Variants in PHACTR1 observed in about 807,000 individuals in gnomAD.
PHACTR1 encodes the protein RPEL repeat containing 1.
A neutral mutation model predicts 69.2 loss-of-function variants in PHACTR1; 16 were observed. That is an observed-to-expected ratio of 0.23 (90% confidence interval 0.16 to 0.35). PHACTR1 has a LOEUF of 0.35. PHACTR1 is among the 10% of genes least tolerant of loss of function. The pLI is 1.00. For missense variants in PHACTR1, 510 were observed against 734.7 expected, an observed-to-expected ratio of 0.69 and a Z score of 3.54; for synonymous variants, 312 against 284.5, an observed-to-expected ratio of 1.10 and a Z score of -0.97.
intron 7 of PHACTR1, among the ~76,000 whole-genome samples, chr6:13,205,105 T>C (rs969386005): frequency 1.3e-5 from 2 of 152,170 alleles, no homozygotes; most frequent in African/African-American, 4.8e-5. Context: ...ACATGGTGCT[T>C]CTGGTGAGGG....
At chr6:12,966,312 C>T (rs13209758) in intron 4 of PHACTR1, among the ~76,000 whole-genome samples, 6 of 152,106 alleles carry the variant, frequency 3.9e-5, no homozygotes, top group Admixed American at 3.9e-4. Flanking sequence ...TCCTCACGAC[C>T]CTATAAGAGA....
At chr6:12,825,108 C>T (rs903307084) in intron 4 of PHACTR1, among the ~76,000 whole-genome samples, 10 of 152,210 alleles carry the variant, frequency 6.6e-5, no homozygotes, top group Non-Finnish European at 1.3e-4. Flanking sequence ...GCAAGACTCC[C>T]ATCTCCACAC....
intron 12 of PHACTR1, among the ~76,000 whole-genome samples, chr6:13,279,119 C>T (rs1439858834): frequency 6.7e-6 from 1 of 150,048 alleles, no homozygotes. Context: ...TACGAAAGTA[C>T]TGACAAATTT....
At chr6:13,010,704 G>A (rs1232065115) in intron 4 of PHACTR1, among the ~76,000 whole-genome samples, 1 of 152,146 alleles carries the variant, frequency 6.6e-6, no homozygotes, top group Non-Finnish European at 1.5e-5. Context: ...AGTTTCAGAA[G>A]GGGATCTGCA....
chr6:12,863,527 GT>G (rs1227549567), intron 4 of PHACTR1, among the ~76,000 whole-genome samples: 1 of 152,228 alleles, frequency 6.6e-6, no homozygotes, highest in Non-Finnish European at 1.5e-5. Flanking sequence ...GATGACTATT[GT>G]TTTTATTAAG....
intron 8 of PHACTR1, among the ~76,000 whole-genome samples, chr6:13,207,055 A>ACACACATGCATG (rs1347715728): frequency 1.3e-5 from 2 of 152,226 alleles, no homozygotes; most frequent in Non-Finnish European, 2.9e-5. Context: ...ATGTACACAC[A>ACACACATGCATG]CACACATGCA....
At chr6:13,157,635 G>A (rs115197066) in intron 5 of PHACTR1, among the ~76,000 whole-genome samples, 184 of 152,288 alleles carry the variant, frequency 1.2e-3, no homozygotes, top group African/African-American at 4.1e-3. Flanking sequence ...TTCCTTTAGC[G>A]CTGTAGACCA....
chr6:13,207,023 G>A (rs939631715), intron 8 of PHACTR1, among the ~76,000 whole-genome samples: 6 of 151,938 alleles, frequency 3.9e-5, no homozygotes, highest in South Asian at 2.1e-4. Flanking sequence ...CTTTGCATAC[G>A]TGTGAGTGTA....
rs1424136602 is a variant in PHACTR1, at chr6:13,191,456, C to G, written c.664+8770C>G. Among the ~76,000 whole-genome samples, 8 of 152,236 alleles carry G rather than the reference C, an allele frequency of 5.3e-5. No homozygotes were observed. The South Asian group carries it at 1.5e-3, about 28-fold the overall frequency. ...AAGCAAGGAGAGGGGAAAGCCGAGGCCAGAGTGTTTATTGGGGTTTCTGCA... is the reference window on the plus strand; with the variant it reads ...AAGCAAGGAGAGGGGAAAGCCGAGGGCAGAGTGTTTATTGGGGTTTCTGCA... On this transcript the variant is annotated intron_variant, in intron 7 of 14. Transcript: ENST00000332995.
At chr6:13,082,115 C>G (rs1811486827) in intron 5 of PHACTR1, among the ~76,000 whole-genome samples, 1 of 152,062 alleles carries the variant, frequency 6.6e-6, no homozygotes, top group South Asian at 2.1e-4. Flanking sequence ...TCACTGATGG[C>G]CCCCCTCTCT....
chr6:12,786,417 A>T (rs1254699393), intron 4 of PHACTR1, among the ~76,000 whole-genome samples: 3 of 152,268 alleles, frequency 2.0e-5, no homozygotes, highest in Non-Finnish European at 2.9e-5. Flanking sequence ...AAATATGCAG[A>T]TTAATACAGT....
chr6:13,078,721 G>T (rs1810919178), intron 5 of PHACTR1, among the ~76,000 whole-genome samples: 1 of 152,186 alleles, frequency 6.6e-6, no homozygotes, highest in African/African-American at 2.4e-5. Context: ...TGGTTTCCCA[G>T]CTCAAGAGTT....
At chr6:13,233,854 T>C (rs1387919494) in intron 10 of PHACTR1, among the ~76,000 whole-genome samples, 2 of 152,218 alleles carry the variant, frequency 1.3e-5, no homozygotes, top group Non-Finnish European at 2.9e-5. Context: ...ATCCTTCCTC[T>C]GAATCCACTT....
intron 4 of PHACTR1, among the ~76,000 whole-genome samples, chr6:12,936,047 TA>T (rs71659897): frequency 0.19 from 26,602 of 143,590 alleles, 6,043 homozygotes; most frequent in African/African-American, 0.55. Flanking sequence ...TGAGTGTCAT[TA>T]AAAAAAAAAA....
chr6:12,861,930 G>T (rs923898233), intron 4 of PHACTR1, among the ~76,000 whole-genome samples: 1 of 152,132 alleles, frequency 6.6e-6, no homozygotes, highest in Non-Finnish European at 1.5e-5. Flanking sequence ...ATATATATTA[G>T]TATATGTAAA....
intron 4 of PHACTR1, among the ~76,000 whole-genome samples, chr6:12,783,120 G>C (rs1452222451): frequency 6.6e-6 from 1 of 152,214 alleles, no homozygotes; most frequent in Non-Finnish European, 1.5e-5. Context: ...GCTGTCAACA[G>C]CCTGTTGCTT....
At chr6:12,749,599 C>T in intron 3 of PHACTR1, 45 bp from the exon 4 acceptor site, 5 of 1,472,044 alleles carry the variant, frequency 3.4e-6, no homozygotes, top group Non-Finnish European at 4.6e-6. Context: ...CCCTCCTCCC[C>T]CTTCCGCCTC....
chr6:12,882,872 G>T (rs1458687999), intron 4 of PHACTR1, among the ~76,000 whole-genome samples: 3 of 152,206 alleles, frequency 2.0e-5, no homozygotes, highest in African/African-American at 7.2e-5. Flanking sequence ...AGTAATGCTT[G>T]AAAGTGATTT....
Position 13,206,037 on chromosome 6 carries a change from T to A in PHACTR1, c.887T>A (p.Leu296His). Reference sequence around the variant, plus strand: ...CAGTACGGCAGCCACGGCCAGCACCTCCCCTCCACCACCGGCTCCCTCCCC... The same window carrying A: ...CAGTACGGCAGCCACGGCCAGCACCACCCCTCCACCACCGGCTCCCTCCCC... ...QLQYGSHGQH[L>H]PSTTGSLPMH... is the part of the protein sequence containing the mutation. Residue 296 changes from leucine (L) to histidine (H), a missense_variant, in exon 8 of 15, where the codon CTC becomes CAC. Physicochemically the swap from Leu to His is moderately conservative, Grantham distance 99. Around this residue, in one of 2 missense-constraint regions of PHACTR1, gnomAD observed 419 missense variants for 530.9 expected, o/e 0.79. Transcript: ENST00000332995. 3.7e-6 allele frequency: 6 copies of A among 1,613,446 alleles called. No homozygotes were observed. The highest frequency in any genetic ancestry group is 4.2e-6 in the Non-Finnish European group (5 of 1,179,796).
Sources: allele counts gnomAD v4.1 joint callset (sites outside exome capture counted in the v4.1 genomes callset), GRCh38; gene constraint gnomAD v4.1.1; regional missense constraint gnomAD v4.1.1; transcripts MANE v1.5; gene names NCBI Gene and HGNC (gene_info 2026-07-23, HGNC 2026-07-21).